The following STAC variants were observed in gnomAD, a reference collection of about 807,000 sequenced individuals.
STAC encodes the protein SH3 and cysteine-rich domain-containing protein.
A neutral mutation model predicts 48.8 loss-of-function variants in STAC; 43 were observed. The ratio of observed to expected loss-of-function variants is 0.88; its 90% confidence interval spans 0.69 to 1.14. STAC has a LOEUF of 1.14. STAC is among the 50% of genes most tolerant of loss of function. STAC has a pLI of 0.00. For synonymous variants in STAC, 193 were observed against 179.5 expected (o/e 1.07, Z -0.60); for missense variants, 497 against 504.0 (o/e 0.99, Z 0.13).
intron 1 of STAC, among the ~76,000 whole-genome samples, chr3:36,440,664 T>C (rs1696319495): frequency 6.6e-6 from 1 of 152,202 alleles, no homozygotes; most frequent in South Asian, 2.1e-4. Flanking sequence ...GGCTCCACTT[T>C]TGATAGATTG....
chr3:36,383,675 G>A (rs1023889405), intron 1 of STAC, among the ~76,000 whole-genome samples: 2 of 152,196 alleles, frequency 1.3e-5, no homozygotes, highest in Admixed American at 6.5e-5. Flanking sequence ...ATAGTCTTTG[G>A]AAAATCTGTG....
chr3:36,434,478 C>T (rs1700780774), intron 1 of STAC, among the ~76,000 whole-genome samples: 1 of 152,194 alleles, frequency 6.6e-6, no homozygotes, highest in African/African-American at 2.4e-5. Flanking sequence ...TCCCTGATGA[C>T]TTCATTTCAA....
intron 1 of STAC, among the ~76,000 whole-genome samples, chr3:36,412,120 C>A (rs953793270): frequency 6.6e-6 from 1 of 152,142 alleles, no homozygotes; most frequent in African/African-American, 2.4e-5. Flanking sequence ...TGGGAAGTGG[C>A]TGTCTTAGTT....
At position 36,514,204 on chromosome 3, in the gene STAC, C is replaced by CTTTTTTTTTT. The variant is rs765548085; in HGVS notation, c.920+8392_920+8401dup. On this transcript the variant is annotated intron_variant, in intron 8 of 10. Coordinates refer to ENST00000273183, the MANE Select transcript of STAC (RefSeq NM_003149.3). The stretch of plus-strand genomic sequence containing the variant: ...TCTCTGATCCATCTACACTGGCCTT[C>CTTTTTTTTTT]TTTTTTTTTTTTTTTTTTTTTTTTT... 1.0e-3 allele frequency among the ~76,000 whole-genome samples: 37 copies of CTTTTTTTTTT among 36,434 alleles called. 8 individuals carry two copies. Among genetic ancestry groups the CTTTTTTTTTT allele is most frequent in the African/African-American group, 2.9e-3 (29 of 9,844 alleles). 23.9% of individuals were successfully genotyped at this position (36,434 alleles called of 152,430 possible). A position where few individuals can be genotyped will look rare whatever the true frequency, so the allele number is the denominator to read the frequency against.
chr3:36,455,168 C>A (rs1222298761), intron 2 of STAC, among the ~76,000 whole-genome samples: 2 of 152,172 alleles, frequency 1.3e-5, no homozygotes, highest in Non-Finnish European at 2.9e-5. Flanking sequence ...TATCACAGCA[C>A]ATATATTCTG....
At chr3:36,496,030 G>C (rs150433386) in intron 6 of STAC, among the ~76,000 whole-genome samples, 5 of 152,136 alleles carry the variant, frequency 3.3e-5, no homozygotes, top group African/African-American at 1.2e-4. Context: ...CCCCCGTATA[G>C]ATAAGGAAAC....
At chr3:36,401,612 T>G (rs73057906) in intron 1 of STAC, among the ~76,000 whole-genome samples, 2,747 of 152,234 alleles carry the variant, frequency 0.018, 51 homozygotes, top group Non-Finnish European at 0.025. Flanking sequence ...GGAACCTGCT[T>G]CCTCCCTGTC....
chr3:36,391,541 A>G lies in STAC; in HGVS notation c.111+10787A>G, dbSNP rs1384156430. On this transcript the variant is annotated intron_variant, in intron 1 of 10. Coordinates refer to ENST00000273183, the MANE Select transcript of STAC (RefSeq NM_003149.3). ...CCCTCAATGGAATTTATCATTCTTG[A>G]TTCAGCTGTCACCCCGTTTCTTCTT... is the stretch of plus-strand genomic sequence containing the variant. 4.6e-5 allele frequency among the ~76,000 whole-genome samples: 7 copies of G among 152,132 alleles called. No individual in the cohort carries two copies. In the South Asian group the frequency reaches 1.0e-3, roughly 22 times the overall value.
In STAC at chr3:36,426,911, G is replaced by T. The variant is rs376930853; in HGVS notation, c.112-16453G>T. On this transcript the variant is annotated intron_variant, in intron 1 of 10. Transcript: ENST00000273183. ...ATGGCTTTCATTGTTGGTCATAAGG[G>T]TCTCATTTTTAGGTATTAAAAATCC... Among the ~76,000 whole-genome samples, 4 of 152,086 alleles carry T rather than the reference G, an allele frequency of 2.6e-5. No homozygotes were observed. In the East Asian group the frequency reaches 5.8e-4, roughly 22 times the overall value.
intron 2 of STAC, among the ~76,000 whole-genome samples, chr3:36,468,701 A>G (rs983284589): frequency 7.0e-6 from 1 of 143,392 alleles, no homozygotes; most frequent in Non-Finnish European, 1.6e-5. Context: ...TCCTTTTATC[A>G]TTATATATAT....
At chr3:36,394,590 A>G (rs1002063374) in intron 1 of STAC, among the ~76,000 whole-genome samples, 1 of 152,194 alleles carries the variant, frequency 6.6e-6, no homozygotes, top group Non-Finnish European at 1.5e-5. Flanking sequence ...GGTAGCACAT[A>G]GTGGACAATT....
At chr3:36,389,163 T>G (rs565297603) in intron 1 of STAC, among the ~76,000 whole-genome samples, 28 of 152,274 alleles carry the variant, frequency 1.8e-4, no homozygotes, top group Middle Eastern at 6.8e-3. Flanking sequence ...CTGCCAAAAT[T>G]CTTTGTTAGC....
intron 1 of STAC, among the ~76,000 whole-genome samples, chr3:36,434,523 T>C (rs1700782525): frequency 6.6e-6 from 1 of 152,198 alleles, no homozygotes; most frequent in South Asian, 2.1e-4. Context: ...ATTGGTACAG[T>C]GTTAAATAGC....
chr3:36,532,211 G>A (rs867457617), intron 10 of STAC, among the ~76,000 whole-genome samples: 4 of 152,208 alleles, frequency 2.6e-5, no homozygotes, highest in South Asian at 4.2e-4. Context: ...GCCATCTAAC[G>A]ATTTTTGGTT....
intron 8 of STAC, among the ~76,000 whole-genome samples, chr3:36,527,712 C>T (rs537535571): frequency 3.0e-4 from 45 of 152,204 alleles, no homozygotes; most frequent in Admixed American, 1.8e-3. Flanking sequence ...AAAGTTTTCC[C>T]AGTGTGAAAA....
At chr3:36,495,764 C>T (rs762165291) in intron 6 of STAC, among the ~76,000 whole-genome samples, 1 of 152,242 alleles carries the variant, frequency 6.6e-6, no homozygotes, top group Non-Finnish European at 1.5e-5. Flanking sequence ...CTGCTATTAG[C>T]AAAGCCATCA....
Position 36,443,563 on chromosome 3 carries a change from G to C in STAC, c.311G>C (p.Gly104Ala), listed in dbSNP as rs1696421225. The change falls in exon 2 of 11, where the codon GGT (glycine) becomes GCT (alanine). Residue 104 changes from glycine (G) to alanine (A), a missense_variant. Transcript: ENST00000273183. This position sits in a 1 kb window ranked among gnomAD's most constrained non-coding sequence, Gnocchi z 4.2. Reference protein sequence around the residue: ...STPARAGLHPGGKAHAFQEYI... With the variant: ...STPARAGLHPAGKAHAFQEYI... ...CCCGCCAGGGCTGGTCTGCATCCAGGTGGCAAGGCTCATGCCTTTCAGGAA... is the reference window on the plus strand; with the variant it reads ...CCCGCCAGGGCTGGTCTGCATCCAGCTGGCAAGGCTCATGCCTTTCAGGAA... 2 of 1,614,182 alleles carry C rather than the reference G, an allele frequency of 1.2e-6. No individual in the cohort carries two copies. The highest frequency in any genetic ancestry group is 1.7e-6 in the Non-Finnish European group (2 of 1,180,048).
At chr3:36,533,254 A>G (rs1199331776) in intron 10 of STAC, among the ~76,000 whole-genome samples, 1 of 152,192 alleles carries the variant, frequency 6.6e-6, no homozygotes, top group Non-Finnish European at 1.5e-5. Flanking sequence ...AGGCACAGGC[A>G]TCATCATCAG....
At chr3:36,542,357 G>C (rs1325934211) in intron 10 of STAC, among the ~76,000 whole-genome samples, 3 of 152,144 alleles carry the variant, frequency 2.0e-5, no homozygotes, top group African/African-American at 4.8e-5. Context: ...AGACAGATCA[G>C]AAGGTCAGCC....
Sources: allele counts gnomAD v4.1 joint callset (sites outside exome capture counted in the v4.1 genomes callset), GRCh38; gene constraint gnomAD v4.1.1; non-coding constraint Gnocchi (gnomAD v3.1); transcripts MANE v1.5; gene names NCBI Gene and HGNC (gene_info 2026-07-23, HGNC 2026-07-21).